Variants in KIF6 observed in about 807,000 individuals in gnomAD.
The protein encoded by KIF6 is kinesin family member 6, also known as kinesin-like protein KIF6.
A neutral mutation model predicts 112.7 loss-of-function variants in KIF6; 106 were observed. That is an observed-to-expected ratio of 0.94 (90% CI 0.80 to 1.11). The LOEUF (loss-of-function observed/expected upper bound fraction) is 1.11. Among genes scored for constraint, KIF6 ranks in the 50% least tolerant of loss-of-function variants. The pLI is 0.00. For synonymous variants in KIF6, 339 were observed against 339.9 expected, an observed-to-expected ratio of 1.00 and a Z score of 0.03; for missense variants, 929 against 964.0, an observed-to-expected ratio of 0.96 and a Z score of 0.48.
At chr6:39,631,944 A>G (rs541700231) in intron 5 of KIF6, among the ~76,000 whole-genome samples, 3 of 152,244 alleles carry the variant, frequency 2.0e-5, no homozygotes, top group African/African-American at 7.2e-5. Flanking sequence ...CTTCTATAAT[A>G]GTTATTGAAG....
rs975448936 is a variant in KIF6 at position 39,330,555 on chromosome 6, G to C, written c.*5977C>G. 6.6e-6 allele frequency: 1 copy of C among 152,280 alleles called. No individual in the cohort carries two copies. Among genetic ancestry groups the C allele is most frequent in the African/African-American group, 2.4e-5 (1 of 41,440 alleles). The allele number at this position is 152,280 out of a possible 1,614,324, so 9.4% of individuals were successfully genotyped here. The stretch of plus-strand genomic sequence containing the variant: ...CACACCTGGGGCCAGAAGGGGAGGG[G>C]TGCTGGCCTGGGGAGGGGCTGCCCT... On this transcript the variant is annotated 3_prime_UTR_variant, in exon 23 of 23. Transcript: ENST00000287152.
chr6:39,346,053 T>TCG (rs1188905938), intron 20 of KIF6, among the ~76,000 whole-genome samples: 29 of 13,526 alleles, frequency 2.1e-3, no homozygotes, highest in South Asian at 6.0e-3. Context: ...TACAGTGCTC[T>TCG]CTCTCTCTCT....
chr6:39,643,715 A>C (rs1228161210), intron 3 of KIF6, among the ~76,000 whole-genome samples: 1 of 152,164 alleles, frequency 6.6e-6, no homozygotes, highest in East Asian at 1.9e-4. Flanking sequence ...AACTTAAAAG[A>C]AAATCTTGCA....
chr6:39,725,386 C>G lies in KIF6; in HGVS notation c.-76G>C. 8.3e-7 allele frequency: 1 copy of G among 1,204,978 alleles called. No individual in the cohort carries two copies. Among genetic ancestry groups the G allele is most frequent in the Non-Finnish European group, 1.2e-6 (1 of 826,612 alleles). 74.6% of individuals were successfully genotyped at this position (1,204,978 alleles called of 1,614,324 possible). A position where few individuals can be genotyped will look rare whatever the true frequency, so the allele number is the denominator to read the frequency against. On this transcript the variant is annotated 5_prime_UTR_variant, in exon 1 of 23. Transcript: ENST00000287152. The stretch of plus-strand genomic sequence containing the variant: ...CAAAACTAACTCCCACCACCTCCGG[C>G]GACCCACAGTCTTAGCAACAGTAGC...
chr6:39,677,155 A>AAGATATAGT (rs1326421677), intron 3 of KIF6, among the ~76,000 whole-genome samples: 3 of 152,134 alleles, frequency 2.0e-5, no homozygotes, highest in African/African-American at 7.2e-5. Context: ...GGCTTTAGAA[A>AAGATATAGT]AGATATAGTA....
intron 10 of KIF6, among the ~76,000 whole-genome samples, chr6:39,576,127 T>C (rs560516538): frequency 4.6e-5 from 7 of 152,104 alleles, no homozygotes; most frequent in East Asian, 1.9e-4. Context: ...GAAACACTGG[T>C]ACTGATTTTT....
chr6:39,613,212 C>G lies in KIF6; in HGVS notation c.616G>C (p.Asp206His). 1 of 1,600,036 alleles carries G rather than the reference C, an allele frequency of 6.2e-7. No homozygotes were observed. The highest frequency in any genetic ancestry group is 8.5e-7 in the Non-Finnish European group (1 of 1,174,370). ...EEALNLLFLG[D>H]TNRMIAETPM... is the part of the protein sequence containing the mutation. ...ACCTCTGCAATCATTCGGTTGGTGT[C>G]TCCTAAAAAAAGCAAATTCAGAGCT... Residue 206 changes from aspartate (D) to histidine (H), a missense_variant, in exon 6 of 23, where the codon GAC becomes CAC. Around this residue, in one of 2 missense-constraint regions of KIF6, gnomAD observed 688 missense variants for 662.7 expected, o/e 1.04. Coordinates refer to ENST00000287152, the MANE Select transcript of KIF6 (RefSeq NM_145027.6).
intron 3 of KIF6, among the ~76,000 whole-genome samples, chr6:39,665,445 G>T (rs1786410633): frequency 6.6e-6 from 1 of 152,004 alleles, no homozygotes; most frequent in African/African-American, 2.4e-5. Flanking sequence ...TTCTCTAAAA[G>T]TCTCAACACA....
chr6:39,383,355 A>G (rs72860061), intron 16 of KIF6, among the ~76,000 whole-genome samples: 20,031 of 152,184 alleles, frequency 0.13, 2,351 homozygotes, highest in African/African-American at 0.31. Context: ...GGTTAGAGGT[A>G]GGAATCTAGT....
chr6:39,343,669 C>T lies in KIF6; in HGVS notation c.2428+40G>A, dbSNP rs1178835793. 1 of 1,476,162 alleles carries T rather than the reference C, an allele frequency of 6.8e-7. No individual in the cohort carries two copies. The highest frequency in any genetic ancestry group is 9.3e-7 in the Non-Finnish European group (1 of 1,073,502). 91.4% of individuals were successfully genotyped at this position (1,476,162 alleles called of 1,614,324 possible). On this transcript the variant is annotated intron_variant, in intron 22 of 22. Transcript: ENST00000287152. The surrounding 1 kb of genome is among the most constrained non-coding windows in gnomAD (Gnocchi z 4.1). ...GTGTGCTCCCCACAAGTGTTGGTGA[C>T]CTGCTGCCCAGGAGGAGCCACCGAG...
intron 2 of KIF6, among the ~76,000 whole-genome samples, chr6:39,719,347 A>AAG (rs34594101): frequency 0.85 from 126,769 of 149,938 alleles, 54,180 homozygotes; most frequent in East Asian, 0.96. Context: ...TAAAAAGAAA[A>AAG]AGAGAGAGAG....
chr6:39,581,827 T>C (rs1781317160), intron 9 of KIF6, among the ~76,000 whole-genome samples: 1 of 152,170 alleles, frequency 6.6e-6, no homozygotes, highest in Admixed American at 6.5e-5. Flanking sequence ...AGCTTAGTTT[T>C]TGGGCCCTGG....
At chr6:39,506,656 C>T (rs9380873) in intron 13 of KIF6, among the ~76,000 whole-genome samples, 6,816 of 152,114 alleles carry the variant, frequency 0.045, 289 homozygotes, top group East Asian at 0.25. Context: ...ATTTTTGACC[C>T]CAGTTCCTGA....
chr6:39,342,677 TG>T lies in KIF6; in HGVS notation c.2428+1031del, dbSNP rs987037671. 2.1e-5 allele frequency: 6 copies of T among 281,870 alleles called. No individual in the cohort carries two copies. The highest frequency in any genetic ancestry group is 1.6e-5 in the Non-Finnish European group (3 of 191,796). 17.5% of individuals were successfully genotyped at this position (281,870 alleles called of 1,614,324 possible). On this transcript the variant is annotated intron_variant, in intron 22 of 22. Coordinates refer to ENST00000287152, the MANE Select transcript of KIF6 (RefSeq NM_145027.6). This position sits in a 1 kb window ranked among gnomAD's most constrained non-coding sequence, Gnocchi z 4.7. ...GAATGAGACAAGATCACAGCAGAGG[TG>T]GGGCTGTCTCAGGCTTAAGAAAGGA...
intron 13 of KIF6, among the ~76,000 whole-genome samples, chr6:39,478,700 A>ATT (rs796482220): frequency 1.3e-4 from 14 of 106,122 alleles, no homozygotes; most frequent in African/African-American, 2.9e-4. Context: ...GACAACATCT[A>ATT]TTTTTTTTTT....
At chr6:39,562,789 C>T (rs1220753015) in intron 10 of KIF6, among the ~76,000 whole-genome samples, 1 of 152,108 alleles carries the variant, frequency 6.6e-6, no homozygotes, top group African/African-American at 2.4e-5. Context: ...TTATTTATAC[C>T]ATAATTATGA....
chr6:39,717,290 A>ATGCTTACTCCCCTCTACCTCT (rs1217484397), intron 2 of KIF6, among the ~76,000 whole-genome samples: 1 of 151,712 alleles, frequency 6.6e-6, no homozygotes, highest in Non-Finnish European at 1.5e-5. Context: ...TACTCTACTC[A>ATGCTTACTCCCCTCTACCTCT]TGCTTACTCC....
intron 16 of KIF6, among the ~76,000 whole-genome samples, chr6:39,372,722 C>G (rs9471085): frequency 0.16 from 24,936 of 152,158 alleles, 2,362 homozygotes; most frequent in African/African-American, 0.26. Context: ...TTGGTAGAAG[C>G]ATCCTTCACA....
At chr6:39,497,705 T>C (rs1775869999) in intron 13 of KIF6, among the ~76,000 whole-genome samples, 2 of 152,162 alleles carry the variant, frequency 1.3e-5, no homozygotes, top group Non-Finnish European at 2.9e-5. Context: ...TTGACAACTC[T>C]TCACTCTCCT....
Sources: gnomAD v4.1 joint callset for allele counts (sites outside exome capture counted in the v4.1 genomes callset) on GRCh38, gnomAD v4.1.1 for gene constraint, gnomAD v4.1.1 regional missense constraint, Gnocchi (gnomAD v3.1) non-coding constraint, MANE v1.5 for transcripts, NCBI Gene and HGNC (gene_info 2026-07-23, HGNC 2026-07-21) for gene names.